Variants in TTPAL observed in about 807,000 individuals in gnomAD.
The protein encoded by TTPAL is alpha tocopherol transfer protein like, also known as alpha-tocopherol transfer protein-like.
TTPAL carries 21 observed loss-of-function variants against 28.7 expected under a neutral mutation model. That is an observed-to-expected ratio of 0.73 (90% confidence interval 0.52 to 1.06). The LOEUF (loss-of-function observed/expected upper bound fraction) is 1.06. Among genes scored for constraint, TTPAL ranks in the 50% least tolerant of loss-of-function variants. The probability of loss-of-function intolerance (pLI) is 0.00; values close to 1 mark genes in which losing one functional copy is unlikely to be tolerated. For missense variants in TTPAL, 345 were observed against 425.5 expected, an observed-to-expected ratio of 0.81 and a Z score of 1.67; for synonymous variants, 169 against 171.9, an observed-to-expected ratio of 0.98 and a Z score of 0.13.
intron 2 of TTPAL, among the ~76,000 whole-genome samples, chr20:44,482,344 C>T (rs183568008): frequency 1.4e-3 from 211 of 152,110 alleles, no homozygotes; most frequent in African/African-American, 4.9e-3. Flanking sequence ...TCAGGAGTTC[C>T]AGACCAGCCT....
intron 4 of TTPAL, 28 bp downstream of exon 4, chr20:44,486,734 TTTTTC>T (rs1466180241): frequency 7.3e-6 from 10 of 1,367,118 alleles, no homozygotes; most frequent in East Asian, 4.7e-5. Flanking sequence ...TGACTTCAGA[TTTTTC>T]TTTTCCTCTG....
chr20:44,490,204 T>C lies in TTPAL; in HGVS notation c.*663T>C, dbSNP rs1444354618. ...GGGACCCACTGGTTGAAGTTTGCAATAGAAACTTAAGTTTTCCCAAATCCA... is the reference window on the plus strand; with the variant it reads ...GGGACCCACTGGTTGAAGTTTGCAACAGAAACTTAAGTTTTCCCAAATCCA... On this transcript the variant is annotated 3_prime_UTR_variant, in exon 5 of 5. Coordinates refer to ENST00000262605, the MANE Select transcript of TTPAL (RefSeq NM_001039199.3). The C allele has an allele frequency of 3.3e-5, 5 of 152,434 alleles. No individual in the cohort carries two copies. The highest frequency in any genetic ancestry group is 5.9e-5 in the Non-Finnish European group (4 of 68,112). 9.4% of individuals were successfully genotyped at this position (152,434 alleles called of 1,614,324 possible).
At position 44,482,604 on chromosome 20, in the gene TTPAL, C is replaced by T. The variant is rs548683494; in HGVS notation, c.446-1733C>T. Among the ~76,000 whole-genome samples the T allele has an allele frequency of 1.5e-4, 23 of 150,510 alleles. No homozygotes were observed. In the South Asian group the frequency reaches 4.8e-3, roughly 32 times the overall value. ...AAAAAAAAAAAAAGTTTTTTGCACA[C>T]ATCACATATCCCATTGTTGGCAAAT... On this transcript the variant is annotated intron_variant, in intron 2 of 4. Transcript: ENST00000262605.
intron 4 of TTPAL, among the ~76,000 whole-genome samples, chr20:44,488,382 C>T (rs1262997737): frequency 6.6e-6 from 1 of 152,180 alleles, no homozygotes; most frequent in African/African-American, 2.4e-5. Context: ...CCACAATGTT[C>T]TTCGTTTGTT....
intron 4 of TTPAL, among the ~76,000 whole-genome samples, chr20:44,487,795 G>C (rs911613901): frequency 6.6e-6 from 1 of 152,120 alleles, no homozygotes; most frequent in Non-Finnish European, 1.5e-5. Context: ...TTGAGACGGA[G>C]TCTCGCTCCG....
rs1186025587 is a variant in TTPAL, at chr20:44,477,631, T to TTATC, written c.-16+1652_-16+1655dup. 1.0e-3 allele frequency among the ~76,000 whole-genome samples: 149 copies of TTATC among 147,946 alleles called. 1 individual carries two copies. The highest frequency in any genetic ancestry group is 3.4e-3 in the Middle Eastern group (1 of 290). ...CCTTTTAAAATATATTTTTATTTAT[T>TTATC]TATCTATCTATCTATTTATTTATTT... On this transcript the variant is annotated intron_variant, in intron 1 of 4. Coordinates refer to ENST00000262605, the MANE Select transcript of TTPAL (RefSeq NM_001039199.3).
intron 1 of TTPAL, 143 bp downstream of exon 1, chr20:44,476,134 T>C (rs2064040147): frequency 6.9e-6 from 1 of 144,748 alleles, no homozygotes; most frequent in African/African-American, 2.6e-5. Context: ...CAGCCGGAAG[T>C]GGGGGCCTCG....
At chr20:44,484,310 C>T in intron 2 of TTPAL, 27 bp from the exon 3 acceptor site, 1 of 1,417,910 alleles carries the variant, frequency 7.1e-7, no homozygotes, top group Non-Finnish European at 9.5e-7. Context: ...ACTTCTGTAA[C>T]ATACTGTCAA....
intron 2 of TTPAL, among the ~76,000 whole-genome samples, chr20:44,483,435 G>C (rs1446680315): frequency 6.6e-6 from 1 of 152,150 alleles, no homozygotes; most frequent in East Asian, 1.9e-4. Flanking sequence ...TCCTAGAATT[G>C]AGTCTCCTTG....
intron 4 of TTPAL, 30 bp from the exon 5 acceptor site, chr20:44,489,233 C>T (rs769655931): frequency 6.2e-7 from 1 of 1,600,378 alleles, no homozygotes; most frequent in Non-Finnish European, 8.5e-7. Context: ...AACCTAAGGA[C>T]ATGTGTGTTT....
At chr20:44,477,222 T>C (rs1212849380) in intron 1 of TTPAL, among the ~76,000 whole-genome samples, 1 of 152,182 alleles carries the variant, frequency 6.6e-6, no homozygotes, top group Non-Finnish European at 1.5e-5. Context: ...ACACTGATGT[T>C]TGATGGGATT....
chr20:44,485,379 G>A (rs1324230801), intron 3 of TTPAL, among the ~76,000 whole-genome samples: 1 of 152,148 alleles, frequency 6.6e-6, no homozygotes, highest in Non-Finnish European at 1.5e-5. Flanking sequence ...CTCTGAGATA[G>A]GCAAGGCAAA....
At chr20:44,479,836 G>T (rs2064084781) in intron 1 of TTPAL, 149 bp from the exon 2 acceptor site, 1 of 691,216 alleles carries the variant, frequency 1.4e-6, no homozygotes, top group African/African-American at 1.8e-5. Flanking sequence ...TTGCGTGTAT[G>T]GTTTAGATCC....
In TTPAL at chr20:44,480,539, CCCT is replaced by C. The variant is rs2064094754; in HGVS notation, c.445+99_445+101del. The C allele has an allele frequency of 8.0e-7, 1 of 1,247,258 alleles. No homozygotes were observed. The highest frequency in any genetic ancestry group is 1.5e-5 in the African/African-American group (1 of 66,466). The allele number at this position is 1,247,258 out of a possible 1,614,324, so 77.3% of individuals were successfully genotyped here. On this transcript the variant is annotated intron_variant, in intron 2 of 4. Transcript: ENST00000262605. This position sits in a 1 kb window ranked among gnomAD's most constrained non-coding sequence, Gnocchi z 4.1. The stretch of plus-strand genomic sequence containing the variant: ...CCTCCTTTCCAAGTCCCTTTTTTAC[CCCT>C]CCTTTGTTATAGTCAAGGCTCTTTT...
At chr20:44,483,909 C>T (rs1195584535) in intron 2 of TTPAL, among the ~76,000 whole-genome samples, 1 of 152,160 alleles carries the variant, frequency 6.6e-6, no homozygotes, top group African/African-American at 2.4e-5. Context: ...CCTCCCACCT[C>T]AGTCTCCCAA....
Position 44,484,548 on chromosome 20 carries a change from C to T in TTPAL, c.639+18C>T. On this transcript the variant is annotated intron_variant, in intron 3 of 4. Transcript: ENST00000262605. The stretch of plus-strand genomic sequence containing the variant: ...TCCTCCAGGTAAGACCCGTATGTGT[C>T]CTGCCTGTTTCGTGGTGGCTCTGGC... 6.6e-7 allele frequency: 1 copy of T among 1,522,386 alleles called. No individual in the cohort carries two copies. Among genetic ancestry groups the T allele is most frequent in the Non-Finnish European group, 9.0e-7 (1 of 1,116,250 alleles). 94.3% of individuals were successfully genotyped at this position (1,522,386 alleles called of 1,614,324 possible). A position where few individuals can be genotyped will look rare whatever the true frequency, so the allele number is the denominator to read the frequency against.
rs373845500 is a variant in TTPAL at position 44,478,540 on chromosome 20, C to T, written c.-15-1445C>T. 10 of 152,174 alleles carry T rather than the reference C, an allele frequency of 6.6e-5. No individual in the cohort carries two copies. The East Asian group carries it at 1.5e-3, about 23-fold the overall frequency. The allele number at this position is 152,174 out of a possible 1,614,324, so 9.4% of individuals were successfully genotyped here. On this transcript the variant is annotated intron_variant, in intron 1 of 4. Transcript: ENST00000262605. Reference sequence around the variant, plus strand: ...GACCGGCACATATTCCCGACTGCCACGATAAGTTACATGGGTGTGTAGTAA... The same window carrying T: ...GACCGGCACATATTCCCGACTGCCATGATAAGTTACATGGGTGTGTAGTAA...
At chr20:44,487,153 A>G (rs1436370374) in intron 4 of TTPAL, among the ~76,000 whole-genome samples, 3 of 152,114 alleles carry the variant, frequency 2.0e-5, no homozygotes, top group Admixed American at 2.0e-4. Flanking sequence ...ATGGTGGCAC[A>G]TGCCTGTAAT....
chr20:44,476,323 G>C (rs1318547734), intron 1 of TTPAL, among the ~76,000 whole-genome samples: 1 of 152,174 alleles, frequency 6.6e-6, no homozygotes, highest in Non-Finnish European at 1.5e-5. Context: ...TCATATGTCC[G>C]CCTGTCAGCT....
Sources: gnomAD v4.1 joint callset for allele counts (sites outside exome capture counted in the v4.1 genomes callset) on GRCh38, gnomAD v4.1.1 for gene constraint, Gnocchi (gnomAD v3.1) non-coding constraint, MANE v1.5 for transcripts, NCBI Gene and HGNC (gene_info 2026-07-23, HGNC 2026-07-21) for gene names.